The following DCUN1D5 variants were observed in gnomAD, a reference collection of about 807,000 sequenced individuals.
DCUN1D5 encodes defective in cullin neddylation 1 domain containing 5.
A neutral mutation model predicts 38.3 loss-of-function variants in DCUN1D5; 10 were observed. The observed-to-expected ratio is 0.26, with a 90% confidence interval of 0.16 to 0.44. DCUN1D5 has a LOEUF of 0.44. DCUN1D5 is among the 20% of genes least tolerant of loss of function. The probability of loss-of-function intolerance (pLI) is 1.00; values close to 1 mark genes in which losing one functional copy is unlikely to be tolerated. For missense variants in DCUN1D5, 148 were observed against 275.3 expected (o/e 0.54, Z 3.27); for synonymous variants, 93 against 90.9 (o/e 1.02, Z -0.13).
rs1862887261 is a variant in DCUN1D5, at chr11:103,092,023, C to T, written c.-151G>A. 3 of 660,232 alleles carry T rather than the reference C, an allele frequency of 4.5e-6. No individual in the cohort carries two copies. Among genetic ancestry groups the T allele is most frequent in the East Asian group, 2.8e-5 (1 of 35,922 alleles). The allele number at this position is 660,232 out of a possible 1,614,324, so 40.9% of individuals were successfully genotyped here. A position where few individuals can be genotyped will look rare whatever the true frequency, so the allele number is the denominator to read the frequency against. ...CCGCACCGGCGCGGCCCAGCCCGGC[C>T]GCCGCCCGCTCCCAGGTATCCTCGT... On this transcript the variant is annotated 5_prime_UTR_variant, in exon 1 of 8. Coordinates refer to ENST00000260247, the MANE Select transcript of DCUN1D5 (RefSeq NM_032299.4).
chr11:103,064,307 G>C lies in DCUN1D5; in HGVS notation c.626C>G (p.Ala209Gly), dbSNP rs1262102993. 2 of 1,611,266 alleles carry C rather than the reference G, an allele frequency of 1.2e-6. No homozygotes were observed. Among genetic ancestry groups the C allele is most frequent in the Admixed American group, 3.3e-5 (2 of 59,800 alleles). The change falls in exon 7 of 8, where the codon GCT becomes GGT. Residue 209 changes from alanine (A) to glycine (G), a missense_variant. Coordinates refer to ENST00000260247, the MANE Select transcript of DCUN1D5 (RefSeq NM_032299.4). This position sits in a 1 kb window ranked among gnomAD's most constrained non-coding sequence, Gnocchi z 4.5. ...ATCTTCATCATAGTTACTAAGATCA[G>C]CATGGACTGTTCTGCTGAATTCTAA... The part of the protein sequence containing the change: ...NVLEFSRTVH[A>G]DLSNYDEDGA...
chr11:103,071,967 A>G lies in DCUN1D5; in HGVS notation c.342-5400T>C, dbSNP rs1248344575. On this transcript the variant is annotated intron_variant, in intron 4 of 7. Transcript: ENST00000260247. The surrounding 1 kb of genome is among the most constrained non-coding windows in gnomAD (Gnocchi z 4.1). ...GATACCAAAACCAGGCAAATACAAAAAAAAGCCACATAATTTTATCATTTA... is the reference window on the plus strand; with the variant it reads ...GATACCAAAACCAGGCAAATACAAAGAAAAGCCACATAATTTTATCATTTA... Among the ~76,000 whole-genome samples the G allele has an allele frequency of 6.6e-6, 1 of 151,772 alleles. No individual in the cohort carries two copies. The highest frequency in any genetic ancestry group is 2.4e-5 in the African/African-American group (1 of 41,416).
In DCUN1D5 at chr11:103,059,474, A is replaced by T. The variant is rs1197030490; in HGVS notation, c.*2885T>A. Reference sequence around the variant, plus strand: ...CAAAGAAGGCTTCAAATTGCAGTTCAAGAAACACTAATCTAGAGTGCTTCT... The same window carrying T: ...CAAAGAAGGCTTCAAATTGCAGTTCTAGAAACACTAATCTAGAGTGCTTCT... On this transcript the variant is annotated 3_prime_UTR_variant, in exon 8 of 8. Coordinates refer to ENST00000260247, the MANE Select transcript of DCUN1D5 (RefSeq NM_032299.4). Among the ~76,000 whole-genome samples the T allele has an allele frequency of 6.6e-6, 1 of 152,200 alleles. No individual in the cohort carries two copies. The highest frequency in any genetic ancestry group is 1.5e-5 in the Non-Finnish European group (1 of 68,038).
In DCUN1D5 at chr11:103,062,199, T is replaced by A; in HGVS notation, c.*160A>T. 1.6e-6 allele frequency: 1 copy of A among 643,854 alleles called. No individual in the cohort carries two copies. The highest frequency in any genetic ancestry group is 3.0e-5 in the Admixed American group (1 of 33,814). The allele number at this position is 643,854 out of a possible 1,614,324, so 39.9% of individuals were successfully genotyped here. ...GAGGTGTGGCTCAATGCCCATCACA[T>A]GTAACAAGAAAAACCTCCTTTAAAA... On this transcript the variant is annotated 3_prime_UTR_variant, in exon 8 of 8. Coordinates refer to ENST00000260247, the MANE Select transcript of DCUN1D5 (RefSeq NM_032299.4). This position sits in a 1 kb window ranked among gnomAD's most constrained non-coding sequence, Gnocchi z 4.6.
At chr11:103,068,777 C>T (rs1456494958) in intron 4 of DCUN1D5, among the ~76,000 whole-genome samples, 1 of 151,726 alleles carries the variant, frequency 6.6e-6, no homozygotes, top group Non-Finnish European at 1.5e-5. Context: ...GCACAATCAA[C>T]CCCTCTGACA....
chr11:103,089,415 AG>A, intron 1 of DCUN1D5, 97 bp from the exon 2 acceptor site: 27 of 1,093,926 alleles, frequency 2.5e-5, no homozygotes, highest in South Asian at 5.7e-5. Context: ...CATTAAACAA[AG>A]GTTTTTTTTT....
chr11:103,051,083 TAA>T lies in DCUN1D5; in HGVS notation c.*11274_*11275del, dbSNP rs1311915804. 1.3e-5 allele frequency: 2 copies of T among 152,188 alleles called. No homozygotes were observed. Among genetic ancestry groups the T allele is most frequent in the Admixed American group, 6.5e-5 (1 of 15,274 alleles). 9.4% of individuals were successfully genotyped at this position (152,188 alleles called of 1,614,324 possible). On this transcript the variant is annotated 3_prime_UTR_variant, in exon 8 of 8. Coordinates refer to ENST00000260247, the MANE Select transcript of DCUN1D5 (RefSeq NM_032299.4). ...TTCCAATAAATCCAATCTTACATCA[TAA>T]AGACTAAGCTTACCATCACCAATTC... is the stretch of plus-strand genomic sequence containing the variant.
At chr11:103,089,105 C>T in intron 2 of DCUN1D5, 122 bp downstream of exon 2, 1 of 874,248 alleles carries the variant, frequency 1.1e-6, no homozygotes, top group Non-Finnish European at 1.6e-6. Context: ...TCAGTCCTGA[C>T]CCTCATCCCA....
chr11:103,089,604 A>AG (rs1811332410), intron 1 of DCUN1D5, among the ~76,000 whole-genome samples: 1 of 152,210 alleles, frequency 6.6e-6, no homozygotes, highest in Non-Finnish European at 1.5e-5. Context: ...AAAGAAGTTC[A>AG]ACCTAGTAGG....
In DCUN1D5 at chr11:103,059,572, A is replaced by C. The variant is rs1462464913; in HGVS notation, c.*2787T>G. On this transcript the variant is annotated 3_prime_UTR_variant, in exon 8 of 8. Transcript: ENST00000260247. ...CTGTCAAAAATGTATTATATCAATA[A>C]TTTTATCAGCAGCATTTAAGAAATA... Among the ~76,000 whole-genome samples the C allele has an allele frequency of 6.6e-6, 1 of 152,138 alleles. No homozygotes were observed. The highest frequency in any genetic ancestry group is 1.5e-5 in the Non-Finnish European group (1 of 68,020).
chr11:103,076,445 C>A (rs183715300), intron 4 of DCUN1D5, among the ~76,000 whole-genome samples: 1 of 152,194 alleles, frequency 6.6e-6, no homozygotes, highest in African/African-American at 2.4e-5. Context: ...CATGGGTACA[C>A]AAAGTTACTA....
chr11:103,075,536 C>A (rs748286328), intron 4 of DCUN1D5, among the ~76,000 whole-genome samples: 4 of 152,156 alleles, frequency 2.6e-5, no homozygotes, highest in Non-Finnish European at 5.9e-5. Context: ...CGCATGCCAC[C>A]ATGCCCAGCT....
Position 103,062,424 on chromosome 11 carries a change from AAG to A in DCUN1D5, c.659-12_659-11del, listed in dbSNP as rs763666071. On this transcript the variant is annotated splice_polypyrimidine_tract_variant and intron_variant, in intron 7 of 7. Coordinates refer to ENST00000260247, the MANE Select transcript of DCUN1D5 (RefSeq NM_032299.4). The surrounding 1 kb of genome is among the most constrained non-coding windows in gnomAD (Gnocchi z 4.6). ...TCAAGAAGAACAGGCCCTAGAAAAAAAGAAACCATTTTTGTCAGAATTCAGTG... is the reference window on the plus strand; with the variant it reads ...TCAAGAAGAACAGGCCCTAGAAAAAAAAACCATTTTTGTCAGAATTCAGTG... 2 of 1,609,970 alleles carry A rather than the reference AAG, an allele frequency of 1.2e-6. No homozygotes were observed. Among genetic ancestry groups the A allele is most frequent in the African/African-American group, 2.7e-5 (2 of 74,530 alleles).
chr11:103,072,739 A>T (rs1862308598), intron 4 of DCUN1D5, among the ~76,000 whole-genome samples: 1 of 117,700 alleles, frequency 8.5e-6, no homozygotes, highest in Non-Finnish European at 1.6e-5. Context: ...GGTGGGGAAC[A>T]TCACACACCG....
rs2134643319 is a variant in DCUN1D5, at chr11:103,091,522, A to T, written c.86+265T>A. On this transcript the variant is annotated intron_variant, in intron 1 of 7. Coordinates refer to ENST00000260247, the MANE Select transcript of DCUN1D5 (RefSeq NM_032299.4). The surrounding 1 kb of genome is among the most constrained non-coding windows in gnomAD (Gnocchi z 4.3). Reference sequence around the variant, plus strand: ...GGGGGGAAGCGCAATTTACATATGCATCTGTTCCCCACCCTGCAGGGCACG... The same window carrying T: ...GGGGGGAAGCGCAATTTACATATGCTTCTGTTCCCCACCCTGCAGGGCACG... The T allele has an allele frequency of 6.4e-6, 3 of 468,676 alleles. No individual in the cohort carries two copies. Among genetic ancestry groups the T allele is most frequent in the South Asian group, 4.3e-5 (2 of 46,520 alleles). 29.0% of individuals were successfully genotyped at this position (468,676 alleles called of 1,614,324 possible).
Position 103,078,415 on chromosome 11 carries a change from T to C in DCUN1D5, c.341+4333A>G, listed in dbSNP as rs112045048. Among the ~76,000 whole-genome samples, 131 of 152,346 alleles carry C rather than the reference T, an allele frequency of 8.6e-4. 1 individual carries two copies. Among genetic ancestry groups the C allele is most frequent in the African/African-American group, 2.8e-3 (116 of 41,582 alleles). ...CATAACCTCCTGAGAGCACATCAAA[T>C]TTTTGTGTCTAGCAGTACATGTGCC... On this transcript the variant is annotated intron_variant, in intron 4 of 7. Coordinates refer to ENST00000260247, the MANE Select transcript of DCUN1D5 (RefSeq NM_032299.4). This position sits in a 1 kb window ranked among gnomAD's most constrained non-coding sequence, Gnocchi z 4.6.
intron 2 of DCUN1D5, among the ~76,000 whole-genome samples, chr11:103,084,829 A>G (rs975981287): frequency 5.4e-5 from 8 of 148,538 alleles, no homozygotes; most frequent in East Asian, 4.0e-4. Context: ...ATCTCTAGGG[A>G]AAAAAAAAAT....
intron 2 of DCUN1D5, among the ~76,000 whole-genome samples, chr11:103,085,236 A>C (rs1207005608): frequency 1.3e-5 from 2 of 152,228 alleles, no homozygotes; most frequent in East Asian, 3.9e-4. Flanking sequence ...TCAGGATTTC[A>C]AGACCAGCCT....
intron 2 of DCUN1D5, among the ~76,000 whole-genome samples, chr11:103,084,912 AG>A (rs772691424): frequency 3.9e-5 from 6 of 152,070 alleles, no homozygotes; most frequent in Non-Finnish European, 7.4e-5. Context: ...GCTTGAGCCC[AG>A]GAGTTTGAGG....
Sources: allele counts gnomAD v4.1 joint callset (sites outside exome capture counted in the v4.1 genomes callset), GRCh38; gene constraint gnomAD v4.1.1; non-coding constraint Gnocchi (gnomAD v3.1); transcripts MANE v1.5; gene names NCBI Gene and HGNC (gene_info 2026-07-23, HGNC 2026-07-21).